The following PLCXD3 variants were observed in gnomAD, a reference collection of about 807,000 sequenced individuals.
PLCXD3 encodes the protein phosphatidylinositol specific phospholipase C X domain containing 3.
PLCXD3 carries 19 observed loss-of-function variants against 25.5 expected under a neutral mutation model. The observed-to-expected ratio is 0.75, with a 90% confidence interval of 0.52 to 1.09. The LOEUF (loss-of-function observed/expected upper bound fraction) is 1.09. Among genes scored for constraint, PLCXD3 ranks in the 50% least tolerant of loss-of-function variants. PLCXD3 has a pLI of 0.00. For synonymous variants in PLCXD3, 174 were observed against 137.6 expected (o/e 1.26, Z -1.85); for missense variants, 411 against 388.1 (o/e 1.06, Z -0.50).
rs1743145979 is a variant in PLCXD3 at position 41,312,038 on chromosome 5, A to C, written c.*1579T>G. ...ATTTCATCAAATTTTATAATTTTAT[A>C]AACACCTCACAATATTCCTGTGAAG... On this transcript the variant is annotated 3_prime_UTR_variant, in exon 3 of 3. Coordinates refer to ENST00000377801, the MANE Select transcript of PLCXD3 (RefSeq NM_001005473.3). 2 of 152,592 alleles carry C rather than the reference A, an allele frequency of 1.3e-5. 1 individual carries two copies. The highest frequency in any genetic ancestry group is 4.1e-4 in the South Asian group (2 of 4,832). 9.5% of individuals were successfully genotyped at this position (152,592 alleles called of 1,614,324 possible).
intron 1 of PLCXD3, among the ~76,000 whole-genome samples, chr5:41,469,366 G>A (rs2150519460): frequency 6.6e-6 from 1 of 152,154 alleles, no homozygotes; most frequent in African/African-American, 2.4e-5. Flanking sequence ...TTGGTCTCGG[G>A]TCATGCTATC....
At chr5:41,388,549 G>A (rs1464763776) in intron 1 of PLCXD3, among the ~76,000 whole-genome samples, 1 of 151,898 alleles carries the variant, frequency 6.6e-6, no homozygotes, top group Non-Finnish European at 1.5e-5. Flanking sequence ...TATACTGGCT[G>A]GTTAAGTAGA....
chr5:41,412,455 C>T (rs533776243), intron 1 of PLCXD3, among the ~76,000 whole-genome samples: 2 of 152,092 alleles, frequency 1.3e-5, no homozygotes, highest in East Asian at 3.9e-4. Context: ...TGACTTACAC[C>T]CTTTCTTTAC....
intron 2 of PLCXD3, among the ~76,000 whole-genome samples, chr5:41,341,060 C>G (rs966263746): frequency 6.6e-6 from 1 of 152,102 alleles, no homozygotes; most frequent in Non-Finnish European, 1.5e-5. Context: ...GAAAGTTGCT[C>G]TATTTCTAAT....
At chr5:41,432,199 T>C (rs1453943803) in intron 1 of PLCXD3, among the ~76,000 whole-genome samples, 1 of 152,168 alleles carries the variant, frequency 6.6e-6, no homozygotes, top group Non-Finnish European at 1.5e-5. Flanking sequence ...TAAAGAAGCC[T>C]CCCATCTTGA....
At chr5:41,502,670 G>A (rs1362754202) in intron 1 of PLCXD3, among the ~76,000 whole-genome samples, 2 of 152,124 alleles carry the variant, frequency 1.3e-5, no homozygotes, top group Non-Finnish European at 2.9e-5. Flanking sequence ...AATTTCCAGT[G>A]AGTCCAGTCA....
At chr5:41,361,925 TAGAAAGTGGCTCTTTGGG>T (rs1744791329) in intron 2 of PLCXD3, among the ~76,000 whole-genome samples, 1 of 152,186 alleles carries the variant, frequency 6.6e-6, no homozygotes, top group South Asian at 2.1e-4. Context: ...ACTAGAGATA[TAGAAAGTGGCTCTTTGGG>T]CAGGCCACCA....
chr5:41,422,354 G>C (rs1561268738), intron 1 of PLCXD3, among the ~76,000 whole-genome samples: 4 of 152,120 alleles, frequency 2.6e-5, no homozygotes, highest in Admixed American at 2.6e-4. Flanking sequence ...TATGAACCAG[G>C]GTTTAATCTT....
At chr5:41,435,508 AGTGCACTGGGCTAGATGGGAAAG>A (rs1747227052) in intron 1 of PLCXD3, among the ~76,000 whole-genome samples, 1 of 152,214 alleles carries the variant, frequency 6.6e-6, no homozygotes, top group African/African-American at 2.4e-5. Context: ...TGTGGTGCAC[AGTGCACTGGGCTAGATGGGAAAG>A]GTTTTGAGTT....
At chr5:41,481,213 C>A (rs886652177) in intron 1 of PLCXD3, among the ~76,000 whole-genome samples, 1 of 151,124 alleles carries the variant, frequency 6.6e-6, no homozygotes, top group African/African-American at 2.4e-5. Context: ...AATATTTAGT[C>A]TCTCCATTTG....
chr5:41,387,068 C>T (rs993298452), intron 1 of PLCXD3, among the ~76,000 whole-genome samples: 1 of 152,008 alleles, frequency 6.6e-6, no homozygotes, highest in Non-Finnish European at 1.5e-5. Flanking sequence ...TATAAATAAA[C>T]CTTGTGTTTT....
At chr5:41,376,817 T>G (rs554434077) in intron 2 of PLCXD3, among the ~76,000 whole-genome samples, 1 of 152,282 alleles carries the variant, frequency 6.6e-6, no homozygotes, top group African/African-American at 2.4e-5. Context: ...ATACCAATTT[T>G]AATATGCCTC....
intron 2 of PLCXD3, among the ~76,000 whole-genome samples, chr5:41,323,315 A>G (rs1561231723): frequency 1.3e-5 from 2 of 152,188 alleles, no homozygotes. Context: ...AGCACAACAG[A>G]CTGATTAGAG....
chr5:41,362,695 A>T (rs1006431138), intron 2 of PLCXD3, among the ~76,000 whole-genome samples: 3 of 152,206 alleles, frequency 2.0e-5, no homozygotes, highest in African/African-American at 7.2e-5. Context: ...TTAAGTTTTA[A>T]ATGTAGACAT....
At chr5:41,428,075 C>T (rs888309998) in intron 1 of PLCXD3, among the ~76,000 whole-genome samples, 7 of 152,216 alleles carry the variant, frequency 4.6e-5, no homozygotes, top group Admixed American at 2.6e-4. Context: ...CTTGTGCTGT[C>T]GCCCTGGGAA....
intron 1 of PLCXD3, among the ~76,000 whole-genome samples, chr5:41,403,417 A>T (rs369461005): frequency 0.024 from 158 of 6,488 alleles, no homozygotes; most frequent in Admixed American, 0.031. Context: ...TTTTTTTTTT[A>T]TTATACTCTA....
At chr5:41,407,756 C>A (rs73750161) in intron 1 of PLCXD3, among the ~76,000 whole-genome samples, 2,059 of 152,196 alleles carry the variant, frequency 0.014, 61 homozygotes, top group African/African-American at 0.047. Flanking sequence ...ATATTAAACC[C>A]AAAATAGCTC....
chr5:41,357,542 T>G (rs990931460), intron 2 of PLCXD3, among the ~76,000 whole-genome samples: 3 of 152,190 alleles, frequency 2.0e-5, no homozygotes, highest in Non-Finnish European at 4.4e-5. Context: ...GGCTACAGAA[T>G]TGAATAGTGC....
intron 1 of PLCXD3, among the ~76,000 whole-genome samples, chr5:41,429,020 A>C (rs1747032365): frequency 6.6e-6 from 1 of 152,130 alleles, no homozygotes. Context: ...TATTTTGAAG[A>C]CGTGTTGCTT....
Sources: allele counts gnomAD v4.1 joint callset (sites outside exome capture counted in the v4.1 genomes callset), GRCh38; gene constraint gnomAD v4.1.1; transcripts MANE v1.5; gene names NCBI Gene and HGNC (gene_info 2026-07-23, HGNC 2026-07-21).